Variants in SLC26A9 observed in about 807,000 individuals in gnomAD.
The protein encoded by SLC26A9 is anion transporter/exchanger protein 9.
In SLC26A9, 46 loss-of-function variants were observed where a neutral mutation model predicts 87.1. The observed-to-expected ratio is 0.53, with a 90% confidence interval of 0.42 to 0.67. SLC26A9 has a LOEUF of 0.67. SLC26A9 is among the 30% of genes least tolerant of loss of function. The probability of loss-of-function intolerance (pLI) is 0.00; values close to 1 mark genes in which losing one functional copy is unlikely to be tolerated. For synonymous variants in SLC26A9, 437 were observed against 409.1 expected (o/e 1.07, Z -0.82); for missense variants, 927 against 1,018.3 (o/e 0.91, Z 1.22).
At chr1:205,929,016 G>T in intron 7 of SLC26A9, 107 bp from the exon 8 acceptor site, 14 of 1,471,046 alleles carry the variant, frequency 9.5e-6, no homozygotes, top group Non-Finnish European at 1.3e-5. Flanking sequence ...CCACTCCCCT[G>T]CCTCCTTAGG....
chr1:205,923,197 T>C lies in SLC26A9; in HGVS notation c.1660-2A>G. ...TACTTTCTGGGGGTCCATGCCTGTCTGCAGGGAGAGAGCCAACAGCAATCT... is the reference window on the plus strand; with the variant it reads ...TACTTTCTGGGGGTCCATGCCTGTCCGCAGGGAGAGAGCCAACAGCAATCT... On this transcript the variant is annotated splice_acceptor_variant, in intron 15 of 20. Coordinates refer to ENST00000367135, the MANE Select transcript of SLC26A9 (RefSeq NM_052934.4). LOFTEE classifies it high-confidence loss of function. 6.2e-7 allele frequency: 1 copy of C among 1,614,124 alleles called. No homozygotes were observed. Among genetic ancestry groups the C allele is most frequent in the South Asian group, 1.1e-5 (1 of 91,076 alleles).
At chr1:205,942,608 G>A (rs1022638036) in intron 1 of SLC26A9, among the ~76,000 whole-genome samples, 2 of 152,206 alleles carry the variant, frequency 1.3e-5, no homozygotes, top group Admixed American at 1.3e-4. Context: ...GAACCCCTTG[G>A]AGCTGCAGGA....
chr1:205,941,753 A>G (rs986356408), intron 1 of SLC26A9, among the ~76,000 whole-genome samples: 1 of 152,212 alleles, frequency 6.6e-6, no homozygotes, highest in Non-Finnish European at 1.5e-5. Flanking sequence ...AGAGGGACCA[A>G]GGCTAGACTT....
In SLC26A9 at chr1:205,925,113, G is replaced by C. The variant is rs560296986; in HGVS notation, c.1390-624C>G. On this transcript the variant is annotated intron_variant, in intron 12 of 20. Coordinates refer to ENST00000367135, the MANE Select transcript of SLC26A9 (RefSeq NM_052934.4). ...CAGCCCCAAATTTTGTTCTTTAATGGCTATGTGAAACAAAAGGAGAATAAT... is the reference window on the plus strand; with the variant it reads ...CAGCCCCAAATTTTGTTCTTTAATGCCTATGTGAAACAAAAGGAGAATAAT... Among the ~76,000 whole-genome samples, 36 of 152,286 alleles carry C rather than the reference G, an allele frequency of 2.4e-4. 1 individual carries two copies. In the South Asian group the frequency reaches 7.5e-3, roughly 32 times the overall value.
rs1265228325 is a variant in SLC26A9 at position 205,921,725 on chromosome 1, G to A, written c.1896C>T (p.Ser632=). 2 of 1,590,986 alleles carry A rather than the reference G, an allele frequency of 1.3e-6. No homozygotes were observed. Among genetic ancestry groups the A allele is most frequent in the Non-Finnish European group, 8.6e-7 (1 of 1,168,866 alleles). Reference sequence around the variant, plus strand: ...CTGGTGGCTCACTCTGGGCAGGTGAGGAGCTGTCAGGGCTGAAGGTGATAT... The same window carrying A: ...CTGGTGGCTCACTCTGGGCAGGTGAAGAGCTGTCAGGGCTGAAGGTGATAT... ...VSYITFSPDS[S]SPAQSEPPAS... is the part of the protein sequence containing the mutation. The change falls in exon 17 of 21, where the codon TCC becomes TCT. Residue 632 remains serine, a synonymous_variant. Transcript: ENST00000367135.
At chr1:205,923,043 G>A (rs1658906339) in intron 16 of SLC26A9, 39 bp downstream of exon 16, 5 of 1,588,726 alleles carry the variant, frequency 3.1e-6, no homozygotes, top group Non-Finnish European at 4.3e-6. Context: ...AGAATGGGCA[G>A]GAGAGCAGGG....
intron 1 of SLC26A9, among the ~76,000 whole-genome samples, chr1:205,942,477 A>C (rs1659789024): frequency 6.6e-6 from 1 of 152,032 alleles, no homozygotes; most frequent in Admixed American, 6.6e-5. Flanking sequence ...TGGTCCTCAG[A>C]CCCGTGGGGC....
In SLC26A9 at chr1:205,921,716, G is replaced by C; in HGVS notation, c.1905C>G (p.Ala635=). Residue 635 remains alanine, a synonymous_variant, in exon 17 of 21, where the codon GCC becomes GCG. Transcript: ENST00000367135. ...CAGCGGAGGCTGGTGGCTCACTCTGGGCAGGTGAGGAGCTGTCAGGGCTGA... is the reference window on the plus strand; with the variant it reads ...CAGCGGAGGCTGGTGGCTCACTCTGCGCAGGTGAGGAGCTGTCAGGGCTGA... The part of the protein sequence containing the change: ...ITFSPDSSSP[A]QSEPPASAEA... 6.3e-7 allele frequency: 1 copy of C among 1,591,396 alleles called. No individual in the cohort carries two copies. Among genetic ancestry groups the C allele is most frequent in the Non-Finnish European group, 8.6e-7 (1 of 1,169,126 alleles).
At position 205,928,790 on chromosome 1, in the gene SLC26A9, T is replaced by G. The variant is rs1659185225; in HGVS notation, c.953+37A>C. On this transcript the variant is annotated intron_variant, in intron 8 of 20. Coordinates refer to ENST00000367135, the MANE Select transcript of SLC26A9 (RefSeq NM_052934.4). Reference sequence around the variant, plus strand: ...GCTCAGGCCTTAGTGGGGCATGAGGTGCGGGTGGGCCAGGCTTCTGGGCCA... The same window carrying G: ...GCTCAGGCCTTAGTGGGGCATGAGGGGCGGGTGGGCCAGGCTTCTGGGCCA... 3.1e-6 allele frequency: 5 copies of G among 1,604,690 alleles called. No homozygotes were observed. The East Asian group carries it at 1.1e-4, about 36-fold the overall frequency.
chr1:205,923,673 G>T (rs548531445), intron 13 of SLC26A9, 60 bp from the exon 14 acceptor site: 3 of 1,602,116 alleles, frequency 1.9e-6, no homozygotes, highest in South Asian at 2.2e-5. Flanking sequence ...GGCCTGGAAG[G>T]GTGCCCCTGC....
chr1:205,933,359 C>G (rs1275072164), intron 2 of SLC26A9, among the ~76,000 whole-genome samples: 1 of 152,144 alleles, frequency 6.6e-6, no homozygotes, highest in African/African-American at 2.4e-5. Context: ...GGTGGCTCAG[C>G]CTTCGGAGGT....
intron 9 of SLC26A9, 142 bp downstream of exon 9, chr1:205,927,760 C>T (rs1005553099): frequency 5.5e-6 from 8 of 1,454,626 alleles, no homozygotes; most frequent in Non-Finnish European, 7.5e-6. Flanking sequence ...AGGTCAGCCT[C>T]TTAGGGTCAG....
intron 17 of SLC26A9, among the ~76,000 whole-genome samples, chr1:205,920,962 C>A (rs776467536): frequency 4.6e-5 from 7 of 152,364 alleles, no homozygotes; most frequent in Middle Eastern, 3.4e-3. Context: ...GGGTATGGGG[C>A]CTGCCCTGCG....
At chr1:205,918,307 G>T (rs1658678605) in intron 19 of SLC26A9, among the ~76,000 whole-genome samples, 2 of 148,680 alleles carry the variant, frequency 1.3e-5, no homozygotes, top group Admixed American at 1.3e-4. Flanking sequence ...GGTGTTATTT[G>T]TATCCCATTT....
At chr1:205,932,634 C>A (rs960940781) in intron 4 of SLC26A9, 68 bp downstream of exon 4, 1 of 1,309,676 alleles carries the variant, frequency 7.6e-7, no homozygotes, top group Non-Finnish European at 1.0e-6. Flanking sequence ...TCTCCCGAGG[C>A]CCCTTTGCCA....
In SLC26A9 at chr1:205,915,518, C is replaced by CTGTGTGTGTG. The variant is rs113527464; in HGVS notation, c.2329-124_2329-115dup. On this transcript the variant is annotated intron_variant, in intron 20 of 20. Transcript: ENST00000367135. Reference sequence around the variant, plus strand: ...GGAACCCCTGGCCAGAACAAAGCACCTGTGTGTGTGTGTGTGTGTGTGTGT... The same window carrying CTGTGTGTGTG: ...GGAACCCCTGGCCAGAACAAAGCACCTGTGTGTGTGTGTGTGTGTGTGTGTGTGTGTGTGT... 4.8e-3 allele frequency: 4,152 copies of CTGTGTGTGTG among 869,952 alleles called. 129 individuals are homozygous for CTGTGTGTGTG. The African/African-American group carries it at 0.064, about 13-fold the overall frequency. The allele number at this position is 869,952 out of a possible 1,614,324, so 53.9% of individuals were successfully genotyped here. A position where few individuals can be genotyped will look rare whatever the true frequency, so the allele number is the denominator to read the frequency against.
Position 205,921,746 on chromosome 1 carries a change from G to A in SLC26A9, c.1875C>T (p.Ile625=). Residue 625 remains isoleucine (I), a synonymous_variant, in exon 17 of 21, where the codon ATC becomes ATT. Transcript: ENST00000367135. ...GTGAGGAGCTGTCAGGGCTGAAGGT[G>A]ATATAGGACACGCTGGTGCCGTTAG... ...TPANGTSVSY[I]TFSPDSSSPA... The A allele has an allele frequency of 6.3e-7, 1 of 1,595,116 alleles. No individual in the cohort carries two copies. Among genetic ancestry groups the A allele is most frequent in the Non-Finnish European group, 8.5e-7 (1 of 1,170,976 alleles).
chr1:205,916,240 G>C (rs543198985), intron 20 of SLC26A9, among the ~76,000 whole-genome samples: 2 of 152,308 alleles, frequency 1.3e-5, no homozygotes, highest in Admixed American at 1.3e-4. Flanking sequence ...GGGACTACAG[G>C]CATGCACCAC....
chr1:205,929,411 C>G (rs982684940), intron 6 of SLC26A9, 55 bp from the exon 7 acceptor site: 11 of 1,591,438 alleles, frequency 6.9e-6, no homozygotes, highest in African/African-American at 6.7e-5. Context: ...CCATAATACC[C>G]CACCTTTGGG....
Sources: gnomAD v4.1 joint callset for allele counts (sites outside exome capture counted in the v4.1 genomes callset) on GRCh38, gnomAD v4.1.1 for gene constraint, MANE v1.5 for transcripts, NCBI Gene and HGNC (gene_info 2026-07-23, HGNC 2026-07-21) for gene names.